Variants in IRF6 observed in about 807,000 individuals in gnomAD.
IRF6 encodes the protein Van der Woude syndrome.
In IRF6, 6 loss-of-function variants were observed where a neutral mutation model predicts 51.4. The ratio of observed to expected loss-of-function variants is 0.12; its 90% CI spans 0.06 to 0.23. The LOEUF is 0.23. IRF6 is among the 10% of genes least tolerant of loss of function. IRF6 has a pLI of 1.00. For missense variants in IRF6, 348 were observed against 585.2 expected, an observed-to-expected ratio of 0.59 and a Z score of 4.18; for synonymous variants, 178 against 215.7, an observed-to-expected ratio of 0.83 and a Z score of 1.53.
chr1:209,801,469 TG>T lies in IRF6; in HGVS notation c.-3-54del. ...AGAGCAGAAGAATTAGGCCAGCCAC[TG>T]GGAACCCTTCCCAGCCACCTTTCCC... is the stretch of plus-strand genomic sequence containing the variant. On this transcript the variant is annotated intron_variant, in intron 2 of 8. Coordinates refer to ENST00000367021, the MANE Select transcript of IRF6 (RefSeq NM_006147.4). 3 of 1,425,432 alleles carry T rather than the reference TG, an allele frequency of 2.1e-6. No homozygotes were observed. The South Asian group carries it at 4.0e-5, about 19-fold the overall frequency. The allele number at this position is 1,425,432 out of a possible 1,614,324, so 88.3% of individuals were successfully genotyped here.
rs777125626 is a variant in IRF6 at position 209,792,299 on chromosome 1, A to T, written c.637T>A (p.Ser213Thr). The T allele has an allele frequency of 2.5e-6, 4 of 1,614,178 alleles. No individual in the cohort carries two copies. The East Asian group carries it at 6.7e-5, about 27-fold the overall frequency. The change falls in exon 6 of 9, where the codon TCT (serine) becomes ACT (threonine). Residue 213 changes from serine (S) to threonine (T), a missense_variant. Physicochemically the swap from Ser to Thr is moderately conservative, Grantham distance 58. Coordinates refer to ENST00000367021, the MANE Select transcript of IRF6 (RefSeq NM_006147.4). The part of the protein sequence containing the change: ...PQAPIQPFYS[S>T]PELWISSLPM... ...AGAGAGCTGATCCACAGTTCTGGAGAGCTATAGAAGGGCTGTATAGGTGCC... is the reference window on the plus strand; with the variant it reads ...AGAGAGCTGATCCACAGTTCTGGAGTGCTATAGAAGGGCTGTATAGGTGCC...
chr1:209,790,681 T>A lies in IRF6; in HGVS notation c.874A>T (p.Ser292Cys). ...ITNEKQKLFT[S>C]KLLDVMDRGL... is the part of the protein sequence containing the mutation. Reference sequence around the variant, plus strand: ...CTGTCCATGACGTCCAGCAGCTTGCTAGTGAACAGCTTCTGCTTCTCATTG... The same window carrying A: ...CTGTCCATGACGTCCAGCAGCTTGCAAGTGAACAGCTTCTGCTTCTCATTG... The change falls in exon 7 of 9, where the codon AGC becomes TGC. Residue 292 changes from serine to cysteine, a missense_variant. Transcript: ENST00000367021. The surrounding 1 kb of genome is among the most constrained non-coding windows in gnomAD (Gnocchi z 4.8). The A allele has an allele frequency of 6.2e-7, 1 of 1,614,214 alleles. No homozygotes were observed. The highest frequency in any genetic ancestry group is 8.5e-7 in the Non-Finnish European group (1 of 1,180,040).
rs193028737 is a variant in IRF6, at chr1:209,798,390, T to C, written c.175-1838A>G. On this transcript the variant is annotated intron_variant, in intron 3 of 8. Transcript: ENST00000367021. The stretch of plus-strand genomic sequence containing the variant: ...ATCCTCTGTGTGCCCACGCTAACTC[T>C]GGCCCCACCCAGCTGACTCGGGCTA... 3.3e-5 allele frequency among the ~76,000 whole-genome samples: 5 copies of C among 152,358 alleles called. No homozygotes were observed. The East Asian group carries it at 9.7e-4, about 29-fold the overall frequency.
intron 6 of IRF6, 60 bp downstream of exon 6, chr1:209,792,209 A>T (rs751196315): frequency 1.3e-6 from 2 of 1,532,666 alleles, no homozygotes; most frequent in Non-Finnish European, 1.8e-6. Flanking sequence ...AGAAAGCAGG[A>T]CAGGAAAGAG....
chr1:209,789,645 TG>T, intron 8 of IRF6, 21 bp downstream of exon 8: 1 of 1,551,012 alleles, frequency 6.4e-7, no homozygotes, highest in Non-Finnish European at 8.9e-7. Flanking sequence ...GAAGAGTTGT[TG>T]ACACAGCCTT....
chr1:209,801,130 A>G (rs575135445), intron 3 of IRF6, 110 bp downstream of exon 3: 133 of 996,448 alleles, frequency 1.3e-4, no homozygotes, highest in Admixed American at 3.5e-4. Context: ...CACCCCCATC[A>G]TAAGCATTCT....
intron 5 of IRF6, among the ~76,000 whole-genome samples, chr1:209,794,099 T>C (rs2077886478): frequency 1.3e-5 from 2 of 152,230 alleles, no homozygotes; most frequent in South Asian, 4.1e-4. Flanking sequence ...AATAATAGGA[T>C]TGCTGGGCCA....
Position 209,788,345 on chromosome 1 carries a change from G to A in IRF6, c.*75C>T. On this transcript the variant is annotated 3_prime_UTR_variant, in exon 9 of 9. Transcript: ENST00000367021. ...TAGAGAAAAGAGAGATTTAAAAGCT[G>A]GTTAAATCTAAACAATAAAAAAATC... 1 of 961,566 alleles carries A rather than the reference G, an allele frequency of 1.0e-6. No individual in the cohort carries two copies. The highest frequency in any genetic ancestry group is 3.1e-4 in the Middle Eastern group (1 of 3,200). 59.6% of individuals were successfully genotyped at this position (961,566 alleles called of 1,614,324 possible).
chr1:209,792,272 G>A lies in IRF6; in HGVS notation c.664C>T (p.Pro222Ser). Reference sequence around the variant, plus strand: ...AGAAAGATAAAGTCTCACTTACTTGGGAGAGAGCTGATCCACAGTTCTGGA... The same window carrying A: ...AGAAAGATAAAGTCTCACTTACTTGAGAGAGAGCTGATCCACAGTTCTGGA... Reference protein sequence around the residue: ...SSPELWISSLPMTDLDIKFQY... With the variant: ...SSPELWISSLSMTDLDIKFQY... The change falls in exon 6 of 9, where the codon CCA becomes TCA. Residue 222 changes from proline (P) to serine (S), a missense_variant. Pro to Ser is a moderately conservative substitution (Grantham distance 74). Coordinates refer to ENST00000367021, the MANE Select transcript of IRF6 (RefSeq NM_006147.4). 1 of 1,613,914 alleles carries A rather than the reference G, an allele frequency of 6.2e-7. No individual in the cohort carries two copies. Among genetic ancestry groups the A allele is most frequent in the Non-Finnish European group, 8.5e-7 (1 of 1,179,764 alleles).
intron 4 of IRF6, 65 bp from the exon 5 acceptor site, chr1:209,795,483 C>CCA: frequency 6.2e-7 from 1 of 1,607,966 alleles, no homozygotes; most frequent in Non-Finnish European, 8.5e-7. Flanking sequence ...TGCAGCTGAC[C>CCA]CACCATTCAA....
Position 209,801,339 on chromosome 1 carries a change from C to G in IRF6, c.75G>C (p.Gly25=). 6.2e-7 allele frequency: 1 copy of G among 1,614,034 alleles called. No homozygotes were observed. The highest frequency in any genetic ancestry group is 1.1e-5 in the South Asian group (1 of 91,078). The part of the protein sequence containing the change: ...VAQVDSGLYP[G]LIWLHRDSKR... ...TAGAGTCCCTGTGTAGCCAGATGAGCCCAGGGTAGAGGCCACTATCCACCT... is the reference window on the plus strand; with the variant it reads ...TAGAGTCCCTGTGTAGCCAGATGAGGCCAGGGTAGAGGCCACTATCCACCT... The change falls in exon 3 of 9, where the codon GGG becomes GGC. Residue 25 remains glycine (G), a synonymous_variant. Coordinates refer to ENST00000367021, the MANE Select transcript of IRF6 (RefSeq NM_006147.4).
intron 1 of IRF6, among the ~76,000 whole-genome samples, chr1:209,805,722 A>G (rs560210109): frequency 3.2e-4 from 48 of 152,232 alleles, no homozygotes; most frequent in African/African-American, 1.1e-3. Context: ...GAGAGTAGAC[A>G]CAAGTGTAGA....
chr1:209,796,634 AACACACACACACACACACACACACAC>A lies in IRF6; in HGVS notation c.175-108_175-83del. 3.4e-6 allele frequency: 2 copies of A among 585,334 alleles called. No homozygotes were observed. The highest frequency in any genetic ancestry group is 6.2e-6 in the Non-Finnish European group (2 of 324,886). 36.3% of individuals were successfully genotyped at this position (585,334 alleles called of 1,614,324 possible). On this transcript the variant is annotated intron_variant, in intron 3 of 8. Transcript: ENST00000367021. The surrounding 1 kb of genome is among the most constrained non-coding windows in gnomAD (Gnocchi z 4.5). The stretch of plus-strand genomic sequence containing the variant: ...GTGCTTACCCTTTCTCATAGACACA[AACACACACACACACACACACACACAC>A]ACACACACACACACACAACTTTTGC...
chr1:209,801,200 AAAAAT>A, intron 3 of IRF6, 35 bp downstream of exon 3: 1 of 1,542,174 alleles, frequency 6.5e-7, no homozygotes, highest in Non-Finnish European at 8.8e-7. Context: ...AAAAAAAAAA[AAAAAT>A]CCAGAAAGGT....
At chr1:209,797,294 C>T (rs2077908299) in intron 3 of IRF6, among the ~76,000 whole-genome samples, 1 of 126,844 alleles carries the variant, frequency 7.9e-6, no homozygotes, top group Non-Finnish European at 1.6e-5. Flanking sequence ...CACTTGAACC[C>T]GGGAGGTGGA....
chr1:209,786,911 C>T lies in IRF6; in HGVS notation c.*1509G>A, dbSNP rs1317030126. Reference sequence around the variant, plus strand: ...CATGGGCTTCCTTACTATGTCCCGACACAGACAGATAGGCATCACTATTCA... The same window carrying T: ...CATGGGCTTCCTTACTATGTCCCGATACAGACAGATAGGCATCACTATTCA... On this transcript the variant is annotated 3_prime_UTR_variant, in exon 9 of 9. Coordinates refer to ENST00000367021, the MANE Select transcript of IRF6 (RefSeq NM_006147.4). 1 of 152,166 alleles carries T rather than the reference C, an allele frequency of 6.6e-6. No individual in the cohort carries two copies. Among genetic ancestry groups the T allele is most frequent in the Non-Finnish European group, 1.5e-5 (1 of 68,050 alleles). The allele number at this position is 152,166 out of a possible 1,614,324, so 9.4% of individuals were successfully genotyped here.
In IRF6 at chr1:209,787,813, A is replaced by T. The variant is rs1337423935; in HGVS notation, c.*607T>A. On this transcript the variant is annotated 3_prime_UTR_variant, in exon 9 of 9. Transcript: ENST00000367021. ...TATTTAGATATCAAGCATAGTTTCT[A>T]AGCAACCAGCCAGCCAGCTCCTCTC... is the stretch of plus-strand genomic sequence containing the variant. 6.5e-6 allele frequency: 1 copy of T among 153,022 alleles called. No homozygotes were observed. Among genetic ancestry groups the T allele is most frequent in the Non-Finnish European group, 1.5e-5 (1 of 68,726 alleles). The allele number at this position is 153,022 out of a possible 1,614,324, so 9.5% of individuals were successfully genotyped here. A position where few individuals can be genotyped will look rare whatever the true frequency, so the allele number is the denominator to read the frequency against.
At chr1:209,804,467 T>C (rs913217718) in intron 1 of IRF6, among the ~76,000 whole-genome samples, 1 of 152,072 alleles carries the variant, frequency 6.6e-6, no homozygotes, top group African/African-American at 2.4e-5. Flanking sequence ...CTGCATAACA[T>C]CCACTCTCAA....
In IRF6 at chr1:209,795,339, C is replaced by T. The variant is rs2013162; in HGVS notation, c.459G>A (p.Ser153=). 1.4e-5 allele frequency: 22 copies of T among 1,613,942 alleles called. No individual in the cohort carries two copies. Among genetic ancestry groups the T allele is most frequent in the African/African-American group, 2.7e-5 (2 of 74,984 alleles). Residue 153 remains serine (S), a synonymous_variant, in exon 5 of 9, where the codon TCG becomes TCA. Transcript: ENST00000367021. ...EEDEEDELDQ[S]QHHVPIQDTF... ...TGTCCTGGATGGGAACATGGTGCTGCGACTGATCCAGCTCATCTTCCTCAT... is the reference window on the plus strand; with the variant it reads ...TGTCCTGGATGGGAACATGGTGCTGTGACTGATCCAGCTCATCTTCCTCAT...
Sources: allele counts gnomAD v4.1 joint callset (sites outside exome capture counted in the v4.1 genomes callset), GRCh38; gene constraint gnomAD v4.1.1; non-coding constraint Gnocchi (gnomAD v3.1); transcripts MANE v1.5; gene names NCBI Gene and HGNC (gene_info 2026-07-23, HGNC 2026-07-21).